FRMD4A: variants seen among roughly 807,000 people sequenced by gnomAD.
The protein encoded by FRMD4A is FERM domain-containing protein 4A.
In FRMD4A, 29 loss-of-function variants were observed where a neutral mutation model predicts 129.1. The observed-to-expected ratio is 0.22, with a 90% confidence interval of 0.17 to 0.31. The LOEUF (loss-of-function observed/expected upper bound fraction) is 0.31. FRMD4A is among the 10% of genes least tolerant of loss of function. The pLI is 1.00. For missense variants in FRMD4A, 1,272 were observed against 1,375.8 expected (o/e 0.92, Z 1.19); for synonymous variants, 634 against 571.6 (o/e 1.11, Z -1.56).
At chr10:14,061,265 G>A (rs1199988352) in intron 2 of FRMD4A, among the ~76,000 whole-genome samples, 1 of 151,908 alleles carries the variant, frequency 6.6e-6, no homozygotes, top group East Asian at 1.9e-4. Flanking sequence ...GATCAACATG[G>A]GTGTTGATCA....
intron 6 of FRMD4A, among the ~76,000 whole-genome samples, chr10:13,774,009 A>C (rs2092533763): frequency 6.6e-6 from 1 of 152,052 alleles, no homozygotes; most frequent in Non-Finnish European, 1.5e-5. Context: ...ATGGGACGGG[A>C]CTCACATTTC....
chr10:13,905,032 C>G (rs949854590), intron 2 of FRMD4A, among the ~76,000 whole-genome samples: 1 of 149,936 alleles, frequency 6.7e-6, no homozygotes, highest in African/African-American at 2.5e-5. Context: ...AGCATTTGAC[C>G]AGTGTTAATA....
At chr10:14,021,551 T>C (rs906352535) in intron 2 of FRMD4A, among the ~76,000 whole-genome samples, 7 of 151,890 alleles carry the variant, frequency 4.6e-5, no homozygotes, top group African/African-American at 7.3e-5. Context: ...AGGGAGACCC[T>C]GACTCAAATA....
At chr10:14,108,425 G>A (rs1364967637) in intron 2 of FRMD4A, among the ~76,000 whole-genome samples, 14 of 152,216 alleles carry the variant, frequency 9.2e-5, no homozygotes, top group Admixed American at 9.2e-4. Context: ...CACTTGAGAA[G>A]TAGTATTATG....
At chr10:13,746,143 C>T (rs1353057556) in intron 9 of FRMD4A, among the ~76,000 whole-genome samples, 1 of 152,078 alleles carries the variant, frequency 6.6e-6, no homozygotes, top group Non-Finnish European at 1.5e-5. Flanking sequence ...CTCCCAGCCT[C>T]GGGTCTTGGG....
At chr10:14,089,141 G>C (rs903079022) in intron 2 of FRMD4A, among the ~76,000 whole-genome samples, 2 of 152,182 alleles carry the variant, frequency 1.3e-5, no homozygotes, top group African/African-American at 4.8e-5. Context: ...AGTCGATGGA[G>C]TTTCCCAGCG....
intron 2 of FRMD4A, among the ~76,000 whole-genome samples, chr10:14,045,651 TATG>T (rs1373392200): frequency 6.8e-6 from 1 of 147,226 alleles, no homozygotes. Context: ...ATCACATTCT[TATG>T]ATATAATTAT....
chr10:13,913,092 A>G (rs1589252173), intron 2 of FRMD4A, among the ~76,000 whole-genome samples: 1 of 150,324 alleles, frequency 6.7e-6, no homozygotes, highest in South Asian at 2.1e-4. Flanking sequence ...AAAAAAAAGG[A>G]TATTATTCAG....
chr10:14,148,860 G>A (rs560308161), intron 2 of FRMD4A, among the ~76,000 whole-genome samples: 1 of 152,186 alleles, frequency 6.6e-6, no homozygotes, highest in South Asian at 2.1e-4. Context: ...AAGATCTTGG[G>A]CAAGACCGTC....
At chr10:13,723,897 T>A (rs777105221) in intron 12 of FRMD4A, among the ~76,000 whole-genome samples, 33 of 152,318 alleles carry the variant, frequency 2.2e-4, no homozygotes, top group Non-Finnish European at 3.8e-4. Context: ...ATGGAGAGAT[T>A]TAACTTTAGA....
chr10:13,866,401 G>T, intron 2 of FRMD4A: 1 of 271,630 alleles, frequency 3.7e-6, no homozygotes, highest in Non-Finnish European at 5.6e-6. Context: ...CCAAGGCCAT[G>T]ACTACAACTT....
rs144856669 is a variant in FRMD4A, at chr10:13,884,539, G to T, written c.46-25627C>A. ...CTTTTTTGAAAATTAAAGAATTTCA[G>T]AAATTCTTAGAAATTGGTAATATAA... is the stretch of plus-strand genomic sequence containing the variant. On this transcript the variant is annotated intron_variant, in intron 2 of 24. Coordinates refer to ENST00000357447, the MANE Select transcript of FRMD4A (RefSeq NM_018027.5). Among the ~76,000 whole-genome samples, 458 of 152,204 alleles carry T rather than the reference G, an allele frequency of 3.0e-3. 3 individuals carry two copies. The highest frequency in any genetic ancestry group is 0.011 in the African/African-American group (443 of 41,526).
chr10:14,115,316 C>T lies in FRMD4A; in HGVS notation c.45+214742G>A, dbSNP rs189324813. Among the ~76,000 whole-genome samples the T allele has an allele frequency of 2.0e-3, 300 of 152,304 alleles. 1 individual carries two copies. The highest frequency in any genetic ancestry group is 3.7e-3 in the Non-Finnish European group (249 of 68,026). ...CTTGATCACAACTAATGCAAAAGTC[C>T]CAGGCCATCTGTGGTTGGCCTCTTA... On this transcript the variant is annotated intron_variant, in intron 2 of 24. Coordinates refer to ENST00000357447, the MANE Select transcript of FRMD4A (RefSeq NM_018027.5).
At chr10:13,828,014 A>G (rs2093730142) in intron 3 of FRMD4A, among the ~76,000 whole-genome samples, 1 of 152,220 alleles carries the variant, frequency 6.6e-6, no homozygotes, top group Non-Finnish European at 1.5e-5. Context: ...TGCCTTGCTC[A>G]GCTGCTCATG....
At chr10:14,302,337 C>T (rs531149082) in intron 2 of FRMD4A, among the ~76,000 whole-genome samples, 54 of 152,174 alleles carry the variant, frequency 3.5e-4, no homozygotes, top group Non-Finnish European at 6.5e-4. Flanking sequence ...CTCAGCAAAA[C>T]AGATACACAG....
chr10:13,949,017 A>C (rs1408805463), intron 2 of FRMD4A, among the ~76,000 whole-genome samples: 1 of 152,082 alleles, frequency 6.6e-6, no homozygotes. Context: ...GGCATTTGCA[A>C]TCATGTTCAA....
intron 6 of FRMD4A, among the ~76,000 whole-genome samples, 156 bp downstream of exon 6, chr10:13,782,766 C>T (rs965595336): frequency 3.3e-5 from 5 of 152,064 alleles, no homozygotes; most frequent in African/African-American, 7.2e-5. Flanking sequence ...TAAATGGTGC[C>T]GTTAGCTTCA....
At chr10:13,828,939 T>C (rs1476135052) in intron 3 of FRMD4A, among the ~76,000 whole-genome samples, 3 of 152,240 alleles carry the variant, frequency 2.0e-5, no homozygotes, top group East Asian at 3.9e-4. Flanking sequence ...GGTATCTTTT[T>C]GATATAATGA....
At chr10:13,826,680 A>G (rs559116114) in intron 3 of FRMD4A, among the ~76,000 whole-genome samples, 1 of 152,084 alleles carries the variant, frequency 6.6e-6, no homozygotes, top group Non-Finnish European at 1.5e-5. Flanking sequence ...AGAGAGATAC[A>G]TTTTGCTCAG....
Sources: gnomAD v4.1 joint callset for allele counts (sites outside exome capture counted in the v4.1 genomes callset) on GRCh38, gnomAD v4.1.1 for gene constraint, MANE v1.5 for transcripts, NCBI Gene and HGNC (gene_info 2026-07-23, HGNC 2026-07-21) for gene names.